The following DIXDC1 variants were observed in gnomAD, a reference collection of about 807,000 sequenced individuals.
The protein encoded by DIXDC1 is dixin.
A neutral mutation model predicts 103.1 loss-of-function variants in DIXDC1; 64 were observed. The ratio of observed to expected loss-of-function variants is 0.62; its 90% CI spans 0.51 to 0.76. DIXDC1 has a LOEUF of 0.76. DIXDC1 is among the 30% of genes least tolerant of loss of function. The pLI is 0.00. For missense variants in DIXDC1, 759 were observed against 834.2 expected (o/e 0.91, Z 1.11); for synonymous variants, 266 against 298.5 (o/e 0.89, Z 1.12).
intron 17 of DIXDC1, among the ~76,000 whole-genome samples, chr11:112,001,027 G>A (rs587773518): frequency 6.6e-6 from 1 of 152,202 alleles, no homozygotes; most frequent in South Asian, 2.1e-4. Context: ...CACAATATTC[G>A]AAAGGTAGAA....
intron 1 of DIXDC1, among the ~76,000 whole-genome samples, chr11:111,952,414 G>A (rs1966839956): frequency 6.6e-6 from 1 of 152,164 alleles, no homozygotes; most frequent in Admixed American, 6.5e-5. Flanking sequence ...CTAAGGCAAT[G>A]GTTTACAGGC....
chr11:111,932,552 C>T (rs1555167769), upstream of DIXDC1, among the ~76,000 whole-genome samples: 1 of 149,482 alleles, frequency 6.7e-6, no homozygotes, highest in Non-Finnish European at 1.5e-5. Flanking sequence ...CTCCACTGCA[C>T]TCCAGCTTGG....
chr11:111,972,846 G>A (rs2137530858), intron 3 of DIXDC1, among the ~76,000 whole-genome samples: 1 of 151,800 alleles, frequency 6.6e-6, no homozygotes, highest in South Asian at 2.1e-4. Context: ...GTCACTTGAG[G>A]TCAGGAGTTC....
At chr11:111,938,587 C>A (rs909515394) in intron 1 of DIXDC1, among the ~76,000 whole-genome samples, 23 of 152,206 alleles carry the variant, frequency 1.5e-4, no homozygotes, top group African/African-American at 4.8e-4. Flanking sequence ...TGGCTCCCCC[C>A]ACCCATTCCA....
chr11:111,970,847 C>A (rs1254411296), intron 3 of DIXDC1, among the ~76,000 whole-genome samples: 1 of 152,114 alleles, frequency 6.6e-6, no homozygotes, highest in Non-Finnish European at 1.5e-5. Flanking sequence ...TGATCTTTGA[C>A]AAACTCAACA....
At chr11:111,989,156 G>T (rs756186431) in intron 10 of DIXDC1, 101 bp downstream of exon 10, 5 of 906,664 alleles carry the variant, frequency 5.5e-6, no homozygotes, top group Admixed American at 2.9e-5. Flanking sequence ...ACCTTTAATA[G>T]CTCTGTGCTA....
At chr11:111,969,343 A>G (rs1859837213) in intron 3 of DIXDC1, among the ~76,000 whole-genome samples, 1 of 152,116 alleles carries the variant, frequency 6.6e-6, no homozygotes, top group Non-Finnish European at 1.5e-5. Flanking sequence ...AAAAATGAAG[A>G]GTTTATGTTT....
At chr11:111,942,327 A>C (rs1555168949) in intron 1 of DIXDC1, among the ~76,000 whole-genome samples, 1 of 152,182 alleles carries the variant, frequency 6.6e-6, no homozygotes, top group South Asian at 2.1e-4. Flanking sequence ...GGTTCAGAGG[A>C]TCTAGGGAAC....
At chr11:111,982,679 C>T (rs929513653) in intron 7 of DIXDC1, among the ~76,000 whole-genome samples, 192 bp downstream of exon 7, 5 of 152,090 alleles carry the variant, frequency 3.3e-5, no homozygotes, top group African/African-American at 7.2e-5. Flanking sequence ...TGTGGGCTAC[C>T]GTTCATAGCA....
chr11:112,021,873 C>T lies in DIXDC1; in HGVS notation c.*2837C>T, dbSNP rs1208791556. ...GCACACACCTGTAGTCCCAGCTACT[C>T]AGGAGGTTGAGGTGGGAAGATTGCT... On this transcript the variant is annotated 3_prime_UTR_variant, in exon 20 of 20. Transcript: ENST00000440460. 6.6e-6 allele frequency: 1 copy of T among 150,538 alleles called. No individual in the cohort carries two copies. Among genetic ancestry groups the T allele is most frequent in the African/African-American group, 2.5e-5 (1 of 40,772 alleles). The allele number at this position is 150,538 out of a possible 1,614,324, so 9.3% of individuals were successfully genotyped here.
chr11:111,972,747 C>T (rs587686643), intron 3 of DIXDC1, among the ~76,000 whole-genome samples: 1 of 152,302 alleles, frequency 6.6e-6, no homozygotes, highest in South Asian at 2.1e-4. Context: ...AACTTAACCA[C>T]ATAGGTTTCT....
At chr11:111,953,239 T>C (rs782711971) in intron 1 of DIXDC1, among the ~76,000 whole-genome samples, 15 of 152,208 alleles carry the variant, frequency 9.9e-5, no homozygotes, top group African/African-American at 3.1e-4. Context: ...GAGAGGTACA[T>C]GGGAATGCGG....
At chr11:112,005,716 T>TC (rs1226873938) in intron 17 of DIXDC1, among the ~76,000 whole-genome samples, 2 of 151,090 alleles carry the variant, frequency 1.3e-5, no homozygotes, top group African/African-American at 2.4e-5. Context: ...TCCTCTCCCG[T>TC]CCCCCCCTCA....
rs1383949153 is a variant in DIXDC1, at chr11:111,937,611, G to A, written c.60+52G>A. On this transcript the variant is annotated intron_variant, in intron 1 of 19. Coordinates refer to ENST00000440460, the MANE Select transcript of DIXDC1 (RefSeq NM_001037954.4). ...CAGCTCCCCTCCCCCAGCGTCTCCC[G>A]CCCAGTCTCCGGAAGGGGTCCTCCT... The A allele has an allele frequency of 3.9e-6, 6 of 1,535,282 alleles. No homozygotes were observed. The African/African-American group carries it at 4.1e-5, about 11-fold the overall frequency.
intron 2 of DIXDC1, among the ~76,000 whole-genome samples, chr11:111,966,397 A>ATT (rs1221666046): frequency 0.08 from 4,692 of 58,602 alleles, 705 homozygotes; most frequent in African/African-American, 0.23. Flanking sequence ...TAATTTTTGT[A>ATT]TTTTTTTTTT....
In DIXDC1 at chr11:111,971,287, A is replaced by G. The variant is rs587726251; in HGVS notation, c.316+2649A>G. 1.2e-4 allele frequency among the ~76,000 whole-genome samples: 19 copies of G among 152,278 alleles called. No homozygotes were observed. In the East Asian group the frequency reaches 3.7e-3, roughly 29 times the overall value. ...CTTAAATAACAAGCAAAAACAAATA[A>G]CCCTATTGAAAAGTGGGCAAAGGAC... On this transcript the variant is annotated intron_variant, in intron 3 of 19. Coordinates refer to ENST00000440460, the MANE Select transcript of DIXDC1 (RefSeq NM_001037954.4).
At chr11:112,018,284 C>T (rs1566590680) in intron 19 of DIXDC1, among the ~76,000 whole-genome samples, 1 of 152,168 alleles carries the variant, frequency 6.6e-6, no homozygotes, top group African/African-American at 2.4e-5. Context: ...AATCAAGGAA[C>T]TTCTAGGGAG....
chr11:111,984,863 C>T lies in DIXDC1; in HGVS notation c.919-369C>T, dbSNP rs757315600. 1.6e-3 allele frequency among the ~76,000 whole-genome samples: 237 copies of T among 152,092 alleles called. 1 individual carries two copies. The highest frequency in any genetic ancestry group is 3.2e-3 in the Middle Eastern group (1 of 316). On this transcript the variant is annotated intron_variant, in intron 7 of 19. Coordinates refer to ENST00000440460, the MANE Select transcript of DIXDC1 (RefSeq NM_001037954.4). Reference sequence around the variant, plus strand: ...TTCATTATAATACTCATTTCTAAGCCGTGATGATTCTACACTGCTTTTAGA... The same window carrying T: ...TTCATTATAATACTCATTTCTAAGCTGTGATGATTCTACACTGCTTTTAGA...
chr11:111,955,833 CAAAAAA>C (rs781822030), intron 1 of DIXDC1, among the ~76,000 whole-genome samples: 1 of 17,660 alleles, frequency 5.7e-5, no homozygotes, highest in Non-Finnish European at 1.5e-4. Flanking sequence ...GACTCTAGCT[CAAAAAA>C]AAAAAAAAAA....
Sources: gnomAD v4.1 joint callset for allele counts (sites outside exome capture counted in the v4.1 genomes callset) on GRCh38, gnomAD v4.1.1 for gene constraint, MANE v1.5 for transcripts, NCBI Gene and HGNC (gene_info 2026-07-23, HGNC 2026-07-21) for gene names.